The following ZNF445 variants were observed in gnomAD, a reference collection of about 807,000 sequenced individuals.
ZNF445 encodes zinc finger protein 445.
A neutral mutation model predicts 93.9 loss-of-function variants in ZNF445; 19 were observed. That is an observed-to-expected ratio of 0.20 (90% CI 0.14 to 0.30). The LOEUF is 0.30. ZNF445 is among the 10% of genes least tolerant of loss of function. ZNF445 has a pLI of 1.00. For missense variants in ZNF445, 1,058 were observed against 1,259.4 expected (o/e 0.84, Z 2.42); for synonymous variants, 449 against 446.3 (o/e 1.01, Z -0.08).
intron 3 of ZNF445, 64 bp from the exon 4 acceptor site, chr3:44,451,546 G>C (rs1024447685): frequency 1.3e-6 from 2 of 1,527,724 alleles, no homozygotes; most frequent in African/African-American, 1.4e-5. Flanking sequence ...TCAGAGAAGA[G>C]ACCACATGAC....
At chr3:44,460,958 T>A (rs1698105971) in intron 1 of ZNF445, among the ~76,000 whole-genome samples, 1 of 152,212 alleles carries the variant, frequency 6.6e-6, no homozygotes, top group Admixed American at 6.5e-5. Context: ...CTAGTTCTTT[T>A]GGAACTGGGG....
intron 1 of ZNF445, among the ~76,000 whole-genome samples, chr3:44,477,146 T>G (rs1256519544): frequency 1.3e-5 from 2 of 152,206 alleles, no homozygotes; most frequent in East Asian, 3.8e-4. Flanking sequence ...TACTAACAGG[T>G]TTTTTAAAAA....
rs957941621 is a variant in ZNF445 at position 44,443,052 on chromosome 3, A to G, written c.*3523T>C. The G allele has an allele frequency of 1.3e-5, 2 of 152,308 alleles. No individual in the cohort carries two copies. Among genetic ancestry groups the G allele is most frequent in the African/African-American group, 4.8e-5 (2 of 41,450 alleles). The allele number at this position is 152,308 out of a possible 1,614,324, so 9.4% of individuals were successfully genotyped here. A position where few individuals can be genotyped will look rare whatever the true frequency, so the allele number is the denominator to read the frequency against. ...ACAAACATCACCTGACATAGGAACCAAGAGAGGTGGGGCCACGGGTTTAGA... is the reference window on the plus strand; with the variant it reads ...ACAAACATCACCTGACATAGGAACCGAGAGAGGTGGGGCCACGGGTTTAGA... On this transcript the variant is annotated 3_prime_UTR_variant, in exon 8 of 8. Coordinates refer to ENST00000396077, the MANE Select transcript of ZNF445 (RefSeq NM_181489.6).
Position 44,447,986 on chromosome 3 carries a change from G to C in ZNF445, c.1685C>G (p.Thr562Ser). Residue 562 changes from threonine (T) to serine (S), a missense_variant, in exon 8 of 8, where the codon ACC becomes AGC. Coordinates refer to ENST00000396077, the MANE Select transcript of ZNF445 (RefSeq NM_181489.6). The surrounding 1 kb of genome is among the most constrained non-coding windows in gnomAD (Gnocchi z 4.7). ...RLSAYRLHRE[T>S]HAKKKFLELN... The stretch of plus-strand genomic sequence containing the variant: ...TTCAAGAAATTTCTTCTTAGCATGG[G>C]TTTCTCGGTGCAGACGGTAGGCTGA... The C allele has an allele frequency of 1.9e-6, 3 of 1,612,132 alleles. No homozygotes were observed. The highest frequency in any genetic ancestry group is 2.5e-6 in the Non-Finnish European group (3 of 1,180,002).
rs749550391 is a variant in ZNF445, at chr3:44,435,702, A to C, written c.*10873T>G. ...GTATGGATCAGGGAACTAGTGTGGG[A>C]TTCTGCCCATTGTTGACTATGTCTA... is the stretch of plus-strand genomic sequence containing the variant. On this transcript the variant is annotated 3_prime_UTR_variant, in exon 8 of 8. Transcript: ENST00000396077. The C allele has an allele frequency of 7.9e-5, 12 of 152,320 alleles. No individual in the cohort carries two copies. Among genetic ancestry groups the C allele is most frequent in the Non-Finnish European group, 1.8e-4 (12 of 68,044 alleles). 9.4% of individuals were successfully genotyped at this position (152,320 alleles called of 1,614,324 possible).
intron 1 of ZNF445, among the ~76,000 whole-genome samples, chr3:44,467,035 GACTC>G (rs1269195907): frequency 6.6e-6 from 1 of 152,142 alleles, no homozygotes; most frequent in Non-Finnish European, 1.5e-5. Flanking sequence ...TCAGATATAG[GACTC>G]TAAGTGCCAG....
Position 44,439,824 on chromosome 3 carries a change from G to C in ZNF445, c.*6751C>G, listed in dbSNP as rs1480542607. 6.6e-6 allele frequency: 1 copy of C among 152,214 alleles called. No homozygotes were observed. Among genetic ancestry groups the C allele is most frequent in the Non-Finnish European group, 1.5e-5 (1 of 68,062 alleles). The allele number at this position is 152,214 out of a possible 1,614,324, so 9.4% of individuals were successfully genotyped here. On this transcript the variant is annotated 3_prime_UTR_variant, in exon 8 of 8. Coordinates refer to ENST00000396077, the MANE Select transcript of ZNF445 (RefSeq NM_181489.6). ...GAGGCCTTCTAGGGAAAGCAAAGCG[G>C]GCACCCACGCCAGTCTGTTGGGCTT...
intron 1 of ZNF445, among the ~76,000 whole-genome samples, chr3:44,470,689 A>T (rs1199343220): frequency 6.6e-6 from 1 of 152,228 alleles, no homozygotes; most frequent in Non-Finnish European, 1.5e-5. Context: ...GTGGGATGAA[A>T]GGGCTCTCCT....
In ZNF445 at chr3:44,455,325, C is replaced by T. The variant is rs1161658270; in HGVS notation, c.225G>A (p.Arg75=). The T allele has an allele frequency of 1.2e-6, 2 of 1,613,822 alleles. No individual in the cohort carries two copies. The highest frequency in any genetic ancestry group is 2.2e-5 in the East Asian group (1 of 44,896). ...GCCACCAGCGACAGAGTTCCCGGAG[C>T]CGGCTCAGAGTTTCTAGGGGCCCTG... ...ESSGPLETLS[R]LRELCRWWLR... is the part of the protein sequence containing the mutation. The change falls in exon 3 of 8, where the codon CGG becomes CGA. Residue 75 remains arginine, a synonymous_variant. Coordinates refer to ENST00000396077, the MANE Select transcript of ZNF445 (RefSeq NM_181489.6).
intron 2 of ZNF445, among the ~76,000 whole-genome samples, chr3:44,457,312 C>A (rs769098570): frequency 5.9e-5 from 9 of 151,966 alleles, no homozygotes; most frequent in Non-Finnish European, 1.2e-4. Context: ...CTTTCTGCTG[C>A]CCAGGCTGGA....
chr3:44,455,796 C>T, intron 2 of ZNF445, 100 bp from the exon 3 acceptor site: 2 of 461,056 alleles, frequency 4.3e-6, no homozygotes, highest in Non-Finnish European at 7.6e-6. Context: ...AGCGTTTGCA[C>T]AAAGGTATAT....
At position 44,451,294 on chromosome 3, in the gene ZNF445, T is replaced by G; in HGVS notation, c.598+20A>C. ...GAAGTGTGGCATAAGGCTGGGGTCT[T>G]AAGGCCAGGCAGCAAGTACCGGATT... On this transcript the variant is annotated intron_variant, in intron 4 of 7. Transcript: ENST00000396077. The G allele has an allele frequency of 1.2e-6, 2 of 1,610,270 alleles. No individual in the cohort carries two copies.
At chr3:44,463,235 C>T (rs1485858080) in intron 1 of ZNF445, among the ~76,000 whole-genome samples, 1 of 152,112 alleles carries the variant, frequency 6.6e-6, no homozygotes, top group African/African-American at 2.4e-5. Context: ...TGGGGTTTCA[C>T]CATGTTGCTA....
chr3:44,459,047 G>C (rs1218782241), intron 1 of ZNF445, among the ~76,000 whole-genome samples: 1 of 152,322 alleles, frequency 6.6e-6, no homozygotes, highest in East Asian at 1.9e-4. Flanking sequence ...GGGGTAAAGA[G>C]AGCTATGGAC....
chr3:44,450,113 A>G (rs566290867), intron 6 of ZNF445: 2 of 330,216 alleles, frequency 6.1e-6, no homozygotes, highest in East Asian at 1.6e-4. Context: ...GTATTTTTGT[A>G]TTTTTTGTAG....
In ZNF445 at chr3:44,440,752, A is replaced by C. The variant is rs558117224; in HGVS notation, c.*5823T>G. 1 of 152,196 alleles carries C rather than the reference A, an allele frequency of 6.6e-6. No homozygotes were observed. Among genetic ancestry groups the C allele is most frequent in the African/African-American group, 2.4e-5 (1 of 41,436 alleles). The allele number at this position is 152,196 out of a possible 1,614,324, so 9.4% of individuals were successfully genotyped here. ...CTACTCCATAGGAAGAGTAGCCCCAAGGGCTGCTGGTTGCCTATTTTTATG... is the reference window on the plus strand; with the variant it reads ...CTACTCCATAGGAAGAGTAGCCCCACGGGCTGCTGGTTGCCTATTTTTATG... On this transcript the variant is annotated 3_prime_UTR_variant, in exon 8 of 8. Transcript: ENST00000396077.
intron 1 of ZNF445, among the ~76,000 whole-genome samples, chr3:44,475,302 A>G (rs958033927): frequency 3.4e-4 from 51 of 152,042 alleles, no homozygotes; most frequent in African/African-American, 9.2e-4. Flanking sequence ...GGGTTCAAGC[A>G]ATTCTCCTGC....
intron 2 of ZNF445, among the ~76,000 whole-genome samples, chr3:44,457,274 T>C (rs1279978803): frequency 1.3e-5 from 2 of 152,096 alleles, no homozygotes; most frequent in African/African-American, 4.8e-5. Context: ...AACTGATTTT[T>C]TTTTTCTTTT....
chr3:44,437,934 G>C lies in ZNF445; in HGVS notation c.*8641C>G, dbSNP rs924299350. 2.6e-5 allele frequency: 4 copies of C among 152,698 alleles called. No individual in the cohort carries two copies. The highest frequency in any genetic ancestry group is 9.7e-5 in the African/African-American group (4 of 41,416). 9.5% of individuals were successfully genotyped at this position (152,698 alleles called of 1,614,324 possible). On this transcript the variant is annotated 3_prime_UTR_variant, in exon 8 of 8. Transcript: ENST00000396077. ...TAGGAATGCCTAACTTTCTGAGAAT[G>C]CAGGCCAGTAAGTCTCAGCCTCATT... is the stretch of plus-strand genomic sequence containing the variant.
Sources: gnomAD v4.1 joint callset for allele counts (sites outside exome capture counted in the v4.1 genomes callset) on GRCh38, gnomAD v4.1.1 for gene constraint, Gnocchi (gnomAD v3.1) non-coding constraint, MANE v1.5 for transcripts, NCBI Gene and HGNC (gene_info 2026-07-23, HGNC 2026-07-21) for gene names.